AFF3: variants seen among roughly 807,000 people sequenced by gnomAD.
AFF3 encodes the protein ALF transcription elongation factor 3, also known as AF4/FMR2 family member 3.
A neutral mutation model predicts 129.7 loss-of-function variants in AFF3; 32 were observed. The ratio of observed to expected loss-of-function variants is 0.25; its 90% CI spans 0.19 to 0.33. The LOEUF (loss-of-function observed/expected upper bound fraction) is 0.33. Among genes scored for constraint, AFF3 ranks in the 10% least tolerant of loss-of-function variants. The pLI, the probability that AFF3 is intolerant of heterozygous loss-of-function variation, is 1.00. For synonymous variants in AFF3, 644 were observed against 635.4 expected (o/e 1.01, Z -0.20); for missense variants, 1,373 against 1,592.0 (o/e 0.86, Z 2.34).
intron 7 of AFF3, among the ~76,000 whole-genome samples, chr2:99,936,480 G>A (rs1361339350): frequency 2.0e-5 from 3 of 152,146 alleles, no homozygotes; most frequent in Admixed American, 6.5e-5. Context: ...GAGGAAAGGC[G>A]TTCTTGTTAT....
At chr2:100,061,665 T>C (rs867157870) in intron 4 of AFF3, among the ~76,000 whole-genome samples, 2 of 152,276 alleles carry the variant, frequency 1.3e-5, no homozygotes, top group Middle Eastern at 3.4e-3. Context: ...ATTTCCAAAG[T>C]GAGGTGCCAG....
intron 7 of AFF3, among the ~76,000 whole-genome samples, chr2:99,854,386 T>C (rs1428184317): frequency 6.6e-6 from 1 of 152,240 alleles, no homozygotes; most frequent in Non-Finnish European, 1.5e-5. Context: ...CTGTTGCTTT[T>C]GCCTAATGAT....
At chr2:100,012,544 A>G (rs1401358521) in intron 4 of AFF3, among the ~76,000 whole-genome samples, 3 of 152,210 alleles carry the variant, frequency 2.0e-5, no homozygotes, top group Non-Finnish European at 4.4e-5. Context: ...TGACTCATAA[A>G]GACAGTAGCT....
intron 7 of AFF3, among the ~76,000 whole-genome samples, chr2:99,851,494 G>C (rs557991444): frequency 1.3e-5 from 2 of 152,302 alleles, no homozygotes; most frequent in South Asian, 4.1e-4. Context: ...ATAGCACTTT[G>C]TCTCATACTC....
At chr2:99,753,070 GT>G (rs145454065) in intron 8 of AFF3, among the ~76,000 whole-genome samples, 2,845 of 152,160 alleles carry the variant, frequency 0.019, 80 homozygotes, top group African/African-American at 0.064. Context: ...CCAACTTGGA[GT>G]TTACGAATTA....
intron 11 of AFF3, among the ~76,000 whole-genome samples, chr2:99,718,615 G>A (rs1183781122): frequency 6.6e-6 from 1 of 152,006 alleles, no homozygotes; most frequent in Non-Finnish European, 1.5e-5. Context: ...TCCTTTCCTT[G>A]CCTTATTGCC....
chr2:100,132,354 G>A (rs1297177574), intron 1 of AFF3, among the ~76,000 whole-genome samples: 1 of 152,126 alleles, frequency 6.6e-6, no homozygotes, highest in Non-Finnish European at 1.5e-5. Flanking sequence ...ATCATGCTAT[G>A]TGCCATAAAT....
rs115418049 is a variant in AFF3 at position 99,714,658 on chromosome 2, T to A, written c.1091+12419A>T. ...AGTTTCTCTGGAAAAGAAAATCTTT[T>A]GGTAACAATTCTCAAATCGACCTTG... On this transcript the variant is annotated intron_variant, in intron 11 of 24. Transcript: ENST00000672756. 3.0e-3 allele frequency among the ~76,000 whole-genome samples: 450 copies of A among 152,334 alleles called. 4 individuals carry two copies. Among genetic ancestry groups the A allele is most frequent in the Non-Finnish European group, 4.8e-3 (329 of 68,024 alleles).
At chr2:99,886,239 C>T (rs534470339) in intron 7 of AFF3, among the ~76,000 whole-genome samples, 13 of 152,266 alleles carry the variant, frequency 8.5e-5, no homozygotes, top group South Asian at 2.1e-4. Flanking sequence ...ACCATGCTAG[C>T]GAGGTCTGAT....
In AFF3 at chr2:99,790,983, C is replaced by T. The variant is rs77847504; in HGVS notation, c.922-38682G>A. 3.0e-3 allele frequency among the ~76,000 whole-genome samples: 459 copies of T among 152,270 alleles called. 1 individual carries two copies. The East Asian group carries it at 0.053, about 17-fold the overall frequency. On this transcript the variant is annotated intron_variant, in intron 8 of 24. Coordinates refer to ENST00000672756, the MANE Select transcript of AFF3 (RefSeq NM_001386135.1). ...CTTCTCAGCAACAGAAAGAACGAAGCGAGTACACAAAACATGAGTAAATCT... is the reference window on the plus strand; with the variant it reads ...CTTCTCAGCAACAGAAAGAACGAAGTGAGTACACAAAACATGAGTAAATCT...
chr2:99,959,970 G>T (rs1270744307), intron 7 of AFF3, among the ~76,000 whole-genome samples: 8 of 151,992 alleles, frequency 5.3e-5, no homozygotes, highest in African/African-American at 1.7e-4. Context: ...CAAGGACAGG[G>T]ATTTGTATGT....
chr2:99,614,246 A>G (rs950806844), intron 13 of AFF3, among the ~76,000 whole-genome samples: 2 of 152,240 alleles, frequency 1.3e-5, no homozygotes, highest in Admixed American at 6.5e-5. Flanking sequence ...ATAAAAGTCA[A>G]CAGAACCTGC....
rs190638597 is a variant in AFF3 at position 99,910,866 on chromosome 2, C to T, written c.874-73342G>A. ...TCATTTCGGGAGCTCTGACCAGCTT[C>T]GCTGTTTGGCTGGACAAATCACATA... On this transcript the variant is annotated intron_variant, in intron 7 of 24. Coordinates refer to ENST00000672756, the MANE Select transcript of AFF3 (RefSeq NM_001386135.1). Among the ~76,000 whole-genome samples the T allele has an allele frequency of 5.3e-5, 8 of 152,356 alleles. No homozygotes were observed. The East Asian group carries it at 7.7e-4, about 15-fold the overall frequency.
chr2:99,615,718 G>A (rs1269352001), intron 13 of AFF3, among the ~76,000 whole-genome samples: 1 of 152,264 alleles, frequency 6.6e-6, no homozygotes, highest in East Asian at 1.9e-4. Context: ...GCTGGCTGGC[G>A]GGTGGGATGG....
At chr2:99,560,928 T>C (rs1444518039) in intron 20 of AFF3, among the ~76,000 whole-genome samples, 1 of 152,244 alleles carries the variant, frequency 6.6e-6, no homozygotes, top group Non-Finnish European at 1.5e-5. Context: ...ACATTTTTAA[T>C]CTCTGTTTGC....
intron 2 of AFF3, among the ~76,000 whole-genome samples, chr2:100,122,346 T>C (rs2105560580): frequency 6.6e-6 from 1 of 152,334 alleles, no homozygotes; most frequent in Admixed American, 6.5e-5. Context: ...AATCAGAAAC[T>C]TTATTTCAAA....
At chr2:99,784,754 T>C (rs1684669457) in intron 8 of AFF3, among the ~76,000 whole-genome samples, 1 of 152,234 alleles carries the variant, frequency 6.6e-6, no homozygotes, top group Non-Finnish European at 1.5e-5. Context: ...TTTTAGGATA[T>C]GAAGTATTAA....
rs144431298 is a variant in AFF3, at chr2:100,122,995, T to C, written c.-145+6229A>G. 4.6e-3 allele frequency among the ~76,000 whole-genome samples: 698 copies of C among 152,374 alleles called. 3 individuals carry two copies. Among genetic ancestry groups the C allele is most frequent in the Middle Eastern group, 0.01 (3 of 294 alleles). The stretch of plus-strand genomic sequence containing the variant: ...GTAGATGATCAATAAATGCTTATTT[T>C]TGAATTTTTATGAGTAATTTTCTAA... On this transcript the variant is annotated intron_variant, in intron 2 of 24. Coordinates refer to ENST00000672756, the MANE Select transcript of AFF3 (RefSeq NM_001386135.1).
At chr2:100,002,685 T>C (rs1306125615) in intron 7 of AFF3, among the ~76,000 whole-genome samples, 1 of 152,226 alleles carries the variant, frequency 6.6e-6, no homozygotes, top group Non-Finnish European at 1.5e-5. Flanking sequence ...TCTGCTCTCC[T>C]GGCTTATCAA....
Sources: allele counts gnomAD v4.1 joint callset (sites outside exome capture counted in the v4.1 genomes callset), GRCh38; gene constraint gnomAD v4.1.1; transcripts MANE v1.5; gene names NCBI Gene and HGNC (gene_info 2026-07-23, HGNC 2026-07-21).